GAB2: variants seen among roughly 807,000 people sequenced by gnomAD.
GAB2 encodes GRB2 associated binding protein 2.
Under a neutral mutation model 65.5 loss-of-function variants are expected in GAB2, and 26 were observed. The ratio of observed to expected loss-of-function variants is 0.40; its 90% CI spans 0.29 to 0.55. The LOEUF is 0.55. Ranked by LOEUF, GAB2 falls within the 20% of genes least tolerant of loss-of-function variation. GAB2 has a pLI of 0.53. For synonymous variants in GAB2, 321 were observed against 329.6 expected (o/e 0.97, Z 0.28); for missense variants, 884 against 875.8 (o/e 1.01, Z -0.12).
chr11:78,265,932 C>T (rs1865862577), intron 2 of GAB2, among the ~76,000 whole-genome samples: 1 of 152,044 alleles, frequency 6.6e-6, no homozygotes, highest in Non-Finnish European at 1.5e-5. Flanking sequence ...CTAAAACATT[C>T]AGCCAGGCAT....
chr11:78,276,617 G>A (rs1866178476), intron 2 of GAB2, among the ~76,000 whole-genome samples: 2 of 151,954 alleles, frequency 1.3e-5, no homozygotes, highest in Non-Finnish European at 2.9e-5. Context: ...TAGCCTCATT[G>A]GTTATGACAG....
intron 1 of GAB2, among the ~76,000 whole-genome samples, chr11:78,347,768 T>C (rs1460392361): frequency 6.6e-6 from 1 of 152,126 alleles, no homozygotes; most frequent in Non-Finnish European, 1.5e-5. Flanking sequence ...CTAAGCTTCA[T>C]CAAAATTCAA....
intron 2 of GAB2, among the ~76,000 whole-genome samples, chr11:78,253,317 G>A (rs527975371): frequency 6.6e-6 from 1 of 152,156 alleles, no homozygotes; most frequent in African/African-American, 2.4e-5. Context: ...TTAGAGACAT[G>A]GTCTTGCTCT....
At chr11:78,313,698 C>G (rs1855544777) in intron 1 of GAB2, among the ~76,000 whole-genome samples, 2 of 152,198 alleles carry the variant, frequency 1.3e-5, no homozygotes, top group Admixed American at 6.5e-5. Flanking sequence ...GCCATAGTCA[C>G]TACAACAAAT....
chr11:78,295,598 A>T (rs555414191), intron 1 of GAB2, among the ~76,000 whole-genome samples: 50 of 152,310 alleles, frequency 3.3e-4, no homozygotes, highest in African/African-American at 1.2e-3. Context: ...AACTCAGTAC[A>T]TGGTCAGTGC....
At chr11:78,361,192 C>T (rs1253416099) in intron 1 of GAB2, among the ~76,000 whole-genome samples, 1 of 152,060 alleles carries the variant, frequency 6.6e-6, no homozygotes, top group Non-Finnish European at 1.5e-5. Context: ...ACCTGTACCT[C>T]TAAGCATAGA....
chr11:78,353,599 C>T (rs928114793), intron 1 of GAB2, among the ~76,000 whole-genome samples: 22 of 152,218 alleles, frequency 1.4e-4, no homozygotes, highest in African/African-American at 5.1e-4. Context: ...TACATCTGTG[C>T]TGTCCAGTAT....
At chr11:78,303,830 T>C (rs1159668745) in intron 1 of GAB2, among the ~76,000 whole-genome samples, 1 of 152,198 alleles carries the variant, frequency 6.6e-6, no homozygotes, top group Admixed American at 6.5e-5. Context: ...ACCTCTCCCG[T>C]TGGCAAAGCA....
chr11:78,324,999 G>T (rs1413889274), intron 1 of GAB2, among the ~76,000 whole-genome samples: 1 of 152,198 alleles, frequency 6.6e-6, no homozygotes, highest in Non-Finnish European at 1.5e-5. Flanking sequence ...ATCAGTCATG[G>T]TGTGAATATT....
rs1198171722 is a variant in GAB2 at position 78,216,248 on chromosome 11, G to A, written c.*3024C>T. The A allele has an allele frequency of 1.3e-5, 2 of 152,422 alleles. No homozygotes were observed. The highest frequency in any genetic ancestry group is 2.4e-5 in the African/African-American group (1 of 41,480). 9.4% of individuals were successfully genotyped at this position (152,422 alleles called of 1,614,324 possible). A position where few individuals can be genotyped will look rare whatever the true frequency, so the allele number is the denominator to read the frequency against. On this transcript the variant is annotated 3_prime_UTR_variant, in exon 10 of 10. Transcript: ENST00000361507. ...TAACCTTGCAGAAGTGGAGCTGGAA[G>A]TGGGTGAAGAAGGCTCCTTGGAGAG... is the stretch of plus-strand genomic sequence containing the variant.
Position 78,391,517 on chromosome 11 carries a change from T to C in GAB2, c.75+26129A>G, listed in dbSNP as rs1280242410. 2.0e-5 allele frequency among the ~76,000 whole-genome samples: 3 copies of C among 152,214 alleles called. No homozygotes were observed. The East Asian group carries it at 5.8e-4, about 29-fold the overall frequency. On this transcript the variant is annotated intron_variant, in intron 1 of 9. Coordinates refer to ENST00000361507, the MANE Select transcript of GAB2 (RefSeq NM_080491.3). ...ATCTTGGCCACTAAGACATTCACTC[T>C]TGGAGCCCTTAAGCACCATGTAAGC...
intron 1 of GAB2, among the ~76,000 whole-genome samples, chr11:78,397,336 G>T (rs1190960174): frequency 6.6e-6 from 1 of 152,168 alleles, no homozygotes; most frequent in Non-Finnish European, 1.5e-5. Context: ...AACTTACTGT[G>T]CTTTAGGTAC....
chr11:78,413,996 G>A (rs747715481), intron 1 of GAB2, among the ~76,000 whole-genome samples: 1 of 150,714 alleles, frequency 6.6e-6, no homozygotes, highest in Non-Finnish European at 1.5e-5. Flanking sequence ...GCTGAGGCAG[G>A]AGAATCGCTT....
chr11:78,322,342 C>T (rs1488315443), intron 1 of GAB2, among the ~76,000 whole-genome samples: 2 of 86,262 alleles, frequency 2.3e-5, no homozygotes, highest in Non-Finnish European at 2.5e-5. Context: ...AGATCTCAAA[C>T]TATAAAAATC....
Position 78,220,327 on chromosome 11 carries a change from G to A in GAB2, c.1879C>T (p.His627Tyr), listed in dbSNP as rs1277175487. Residue 627 changes from histidine to tyrosine, a missense_variant, in exon 9 of 10, where the codon CAC becomes TAC. By Grantham distance (83) the His-to-Tyr change is moderately conservative. Transcript: ENST00000361507. Reference sequence around the variant, plus strand: ...AACTCTACTCCAGGCACCTTGCGGTGGGGGCTTGGGGAGCTCGGCTGGAAG... The same window carrying A: ...AACTCTACTCCAGGCACCTTGCGGTAGGGGCTTGGGGAGCTCGGCTGGAAG... ...LDFQPSSPSP[H>Y]RKPSTSSVTS... 2.5e-6 allele frequency: 4 copies of A among 1,612,324 alleles called. No homozygotes were observed. The highest frequency in any genetic ancestry group is 2.5e-6 in the Non-Finnish European group (3 of 1,179,614).
In GAB2 at chr11:78,348,384, A is replaced by G. The variant is rs118047876; in HGVS notation, c.76-67483T>C. Among the ~76,000 whole-genome samples the G allele has an allele frequency of 4.8e-3, 734 of 152,358 alleles. 28 individuals carry two copies. Among genetic ancestry groups the G allele is most frequent in the Non-Finnish European group, 5.8e-3 (393 of 68,028 alleles). The stretch of plus-strand genomic sequence containing the variant: ...CCAGATCATAAAAGGAACTTGTACA[A>G]CTCAGTAAGAAGATAAATGACACAA... On this transcript the variant is annotated intron_variant, in intron 1 of 9. Transcript: ENST00000361507.
intron 1 of GAB2, among the ~76,000 whole-genome samples, chr11:78,337,450 TTAGTTAAG>T (rs1856020995): frequency 6.6e-6 from 1 of 152,140 alleles, no homozygotes; most frequent in Non-Finnish European, 1.5e-5. Context: ...CAGACAAGAC[TTAGTTAAG>T]GAGGGGCTAG....
intron 1 of GAB2, among the ~76,000 whole-genome samples, chr11:78,406,435 T>C (rs1039212378): frequency 6.6e-6 from 1 of 151,922 alleles, no homozygotes; most frequent in Non-Finnish European, 1.5e-5. Flanking sequence ...TGGAGTGCAA[T>C]GGCATGATCT....
intron 1 of GAB2, among the ~76,000 whole-genome samples, chr11:78,340,802 G>T (rs759664821): frequency 6.6e-6 from 1 of 152,156 alleles, no homozygotes; most frequent in African/African-American, 2.4e-5. Flanking sequence ...AGGAAAGGGT[G>T]TATCTCTCAA....
Sources: allele counts gnomAD v4.1 joint callset (sites outside exome capture counted in the v4.1 genomes callset), GRCh38; gene constraint gnomAD v4.1.1; transcripts MANE v1.5; gene names NCBI Gene and HGNC (gene_info 2026-07-23, HGNC 2026-07-21).